Variants in SERPINB8 observed in about 807,000 individuals in gnomAD.
The protein encoded by SERPINB8 is serpin B8.
In SERPINB8, 25 loss-of-function variants were observed where a neutral mutation model predicts 35.3. The ratio of observed to expected loss-of-function variants is 0.71; its 90% confidence interval spans 0.52 to 0.99. The LOEUF is 0.99. Among genes scored for constraint, SERPINB8 ranks in the 50% least tolerant of loss-of-function variants. SERPINB8 has a pLI of 0.00. For synonymous variants in SERPINB8, 186 were observed against 160.8 expected (o/e 1.16, Z -1.19); for missense variants, 484 against 446.5 (o/e 1.08, Z -0.76).
intron 1 of SERPINB8, among the ~76,000 whole-genome samples, chr18:63,975,082 A>G (rs1028175987): frequency 1.5e-4 from 22 of 151,200 alleles, no homozygotes; most frequent in African/African-American, 5.1e-4. Flanking sequence ...CTATTGATTC[A>G]ATAGTTCAGA....
chr18:63,993,156 T>C (rs1368454599), downstream of SERPINB8, among the ~76,000 whole-genome samples: 1 of 152,018 alleles, frequency 6.6e-6, no homozygotes, highest in Non-Finnish European at 1.5e-5. Context: ...AAACAGGTAA[T>C]TGACTTGAAA....
chr18:63,976,317 T>G (rs1160276244), intron 1 of SERPINB8, among the ~76,000 whole-genome samples: 1 of 152,068 alleles, frequency 6.6e-6, no homozygotes, highest in Non-Finnish European at 1.5e-5. Context: ...TTTTATAGGG[T>G]TTAATAGATA....
intron 1 of SERPINB8, chr18:63,970,615 TG>T (rs2050455784): frequency 6.6e-6 from 1 of 152,224 alleles, no homozygotes; most frequent in Non-Finnish European, 1.5e-5. Flanking sequence ...GGAGGGCGAG[TG>T]GGAGGAGCCG....
At chr18:64,000,926 T>C (rs1599165579) in intron 1 of SERPINB8, among the ~76,000 whole-genome samples, 1 of 152,254 alleles carries the variant, frequency 6.6e-6, no homozygotes, top group East Asian at 1.9e-4. Flanking sequence ...TTTTACTTCA[T>C]GTATTTCGAA....
chr18:63,977,306 A>G (rs1159128239), intron 1 of SERPINB8, among the ~76,000 whole-genome samples: 1 of 152,056 alleles, frequency 6.6e-6, no homozygotes, highest in East Asian at 1.9e-4. Flanking sequence ...AAAGTGCTGA[A>G]AACAGTGCCT....
chr18:63,986,586 A>T (rs2050758350), intron 6 of SERPINB8: 2 of 1,313,050 alleles, frequency 1.5e-6, no homozygotes, highest in Admixed American at 3.7e-5. Flanking sequence ...AAACTGTTAA[A>T]AAATGTTTTT....
chr18:64,002,868 C>A (rs946324099), intron 1 of SERPINB8, among the ~76,000 whole-genome samples: 2 of 152,122 alleles, frequency 1.3e-5, no homozygotes, highest in Admixed American at 1.3e-4. Flanking sequence ...TCGCCGCCGC[C>A]TGCGGTCGTG....
At chr18:63,972,199 C>G (rs758719132) in intron 1 of SERPINB8, among the ~76,000 whole-genome samples, 5 of 152,200 alleles carry the variant, frequency 3.3e-5, no homozygotes, top group Non-Finnish European at 7.3e-5. Context: ...CTTCCCTCCC[C>G]TCTGTATCAC....
Position 63,985,015 on chromosome 18 carries a change from T to G in SERPINB8, c.568-78T>G, listed in dbSNP as rs552085247. On this transcript the variant is annotated intron_variant, in intron 5 of 6. Transcript: ENST00000397985. ...AAACAGTAATTATACACACCTAGAG[T>G]TTCTGTGAGTTAGATATATCCTATT... The G allele has an allele frequency of 1.3e-5, 19 of 1,441,124 alleles. No homozygotes were observed. In the African/African-American group the frequency reaches 2.4e-4, roughly 18 times the overall value. 89.3% of individuals were successfully genotyped at this position (1,441,124 alleles called of 1,614,324 possible).
At chr18:64,011,359 G>T (rs1335567971) in intron 7 of SERPINB8, among the ~76,000 whole-genome samples, 1 of 152,028 alleles carries the variant, frequency 6.6e-6, no homozygotes, top group Non-Finnish European at 1.5e-5. Flanking sequence ...GCTGTCATTT[G>T]GTATAGAAAA....
downstream of SERPINB8, among the ~76,000 whole-genome samples, chr18:63,992,925 G>A (rs898848125): frequency 3.3e-5 from 5 of 152,136 alleles, no homozygotes; most frequent in African/African-American, 1.2e-4. Context: ...AACAATAGGC[G>A]CTAGATTTTC....
chr18:63,978,466 A>G lies in SERPINB8; in HGVS notation c.158A>G (p.Gln53Arg), dbSNP rs1162217576. ...FMGAKGSTAA[Q>R]MSQALCLYKD... is the part of the protein sequence containing the mutation. ...GGGGCAAAGGGAAGCACTGCAGCCC[A>G]GATGTCCCAGGTATGTGTGCTTGTC... Residue 53 changes from glutamine (Q) to arginine (R), a missense_variant, in exon 2 of 7, where the codon CAG becomes CGG. By Grantham distance (43) the Gln-to-Arg change is conservative. Coordinates refer to ENST00000397985, the MANE Select transcript of SERPINB8 (RefSeq NM_002640.4). The G allele has an allele frequency of 6.2e-7, 1 of 1,614,074 alleles. No homozygotes were observed. The highest frequency in any genetic ancestry group is 8.5e-7 in the Non-Finnish European group (1 of 1,180,020).
At position 63,987,165 on chromosome 18, in the gene SERPINB8, T is replaced by C. The variant is rs1277019054; in HGVS notation, c.1012T>C (p.Ser338Pro). 14 of 1,614,044 alleles carry C rather than the reference T, an allele frequency of 8.7e-6. No homozygotes were observed. Among genetic ancestry groups the C allele is most frequent in the African/African-American group, 1.3e-5 (1 of 74,920 alleles). The change falls in exon 7 of 7, where the codon TCC becomes CCC. Residue 338 changes from serine to proline, a missense_variant. Ser to Pro is a moderately conservative substitution (Grantham distance 74). Coordinates refer to ENST00000397985, the MANE Select transcript of SERPINB8 (RefSeq NM_002640.4). Reference protein sequence around the residue: ...AAAATAVVRNSRCSRMEPRFC... With the variant: ...AAAATAVVRNPRCSRMEPRFC... ...CGCAGCCACTGCTGTGGTCAGGAAT[T>C]CCCGGTGCAGCAGAATGGAGCCAAG...
chr18:64,017,264 G>A (rs2050954987), intron 7 of SERPINB8, among the ~76,000 whole-genome samples: 1 of 152,128 alleles, frequency 6.6e-6, no homozygotes, highest in Non-Finnish European at 1.5e-5. Flanking sequence ...AATAGAGTCA[G>A]GATTAGGCCA....
chr18:63,987,384 C>T lies in SERPINB8; in HGVS notation c.*106C>T, dbSNP rs995943678. 6 of 1,141,792 alleles carry T rather than the reference C, an allele frequency of 5.3e-6. No individual in the cohort carries two copies. Among genetic ancestry groups the T allele is most frequent in the Middle Eastern group, 2.4e-4 (1 of 4,114 alleles). 70.7% of individuals were successfully genotyped at this position (1,141,792 alleles called of 1,614,324 possible). On this transcript the variant is annotated 3_prime_UTR_variant, in exon 7 of 7. Transcript: ENST00000397985. ...CAGTGGCTTGAATGCCAAAATAAAG[C>T]GTGTGCACTGGATAGTGTGTGAAAG...
downstream of SERPINB8, among the ~76,000 whole-genome samples, chr18:64,006,142 G>A (rs991477673): frequency 1.3e-4 from 20 of 152,094 alleles, no homozygotes; most frequent in South Asian, 3.5e-3. Context: ...CTGATAAAAT[G>A]GCCATGTGGT....
At chr18:63,986,652 C>T (rs1236905226) in intron 6 of SERPINB8, 23 of 1,337,084 alleles carry the variant, frequency 1.7e-5, no homozygotes, top group Non-Finnish European at 2.1e-5. Context: ...CTGCCTGTCT[C>T]AGGTGTTTAC....
intron 7 of SERPINB8, among the ~76,000 whole-genome samples, chr18:64,015,607 T>C (rs2050946271): frequency 6.6e-6 from 1 of 152,236 alleles, no homozygotes. Flanking sequence ...GCTTGTTATG[T>C]CGATACCTTT....
chr18:64,013,646 A>T (rs1245415914), intron 7 of SERPINB8, among the ~76,000 whole-genome samples: 2 of 152,258 alleles, frequency 1.3e-5, no homozygotes, highest in East Asian at 3.8e-4. Flanking sequence ...GTGTTAAGAA[A>T]GGAAGCAAAG....
Sources: allele counts gnomAD v4.1 joint callset (sites outside exome capture counted in the v4.1 genomes callset), GRCh38; gene constraint gnomAD v4.1.1; transcripts MANE v1.5; gene names NCBI Gene and HGNC (gene_info 2026-07-23, HGNC 2026-07-21).